Variants in GNG7 observed in about 807,000 individuals in gnomAD.
GNG7 encodes the protein guanine nucleotide-binding protein G(I)/G(S)/G(O) subunit gamma-7.
GNG7 carries 1 observed loss-of-function variant against 4.0 expected under a neutral mutation model. The observed-to-expected ratio is 0.25, with a 90% confidence interval of 0.09 to 1.18. The LOEUF (loss-of-function observed/expected upper bound fraction) is 1.18. GNG7 is among the 50% of genes most tolerant of loss of function. GNG7 has a pLI of 0.50. For missense variants in GNG7, 86 were observed against 91.9 expected (o/e 0.94, Z 0.26); for synonymous variants, 34 against 36.9 (o/e 0.92, Z 0.29).
intron 2 of GNG7, among the ~76,000 whole-genome samples, chr19:2,606,779 G>A (rs1311220734): frequency 2.6e-5 from 4 of 151,308 alleles, no homozygotes; most frequent in South Asian, 2.1e-4. Context: ...TAACATGCTC[G>A]GATGGTGCAG....
At chr19:2,595,614 A>G (rs1395837800) in intron 2 of GNG7, among the ~76,000 whole-genome samples, 1 of 151,734 alleles carries the variant, frequency 6.6e-6, no homozygotes, top group Non-Finnish European at 1.5e-5. Flanking sequence ...GGGTGCCTGT[A>G]ATCCCAGCTA....
intron 1 of GNG7, among the ~76,000 whole-genome samples, chr19:2,694,287 GAA>G (rs576542716): frequency 2.7e-5 from 4 of 148,426 alleles, no homozygotes; most frequent in Admixed American, 2.7e-4. Context: ...GTTTTTAGGG[GAA>G]AAAAAAAAGT....
At chr19:2,690,616 C>T (rs762711447) in intron 1 of GNG7, among the ~76,000 whole-genome samples, 1 of 151,276 alleles carries the variant, frequency 6.6e-6, no homozygotes, top group Non-Finnish European at 1.5e-5. Context: ...CTTCTTGAGA[C>T]AGGGTCTTGC....
At chr19:2,621,365 G>A (rs1981864185) in intron 2 of GNG7, among the ~76,000 whole-genome samples, 1 of 151,988 alleles carries the variant, frequency 6.6e-6, no homozygotes, top group African/African-American at 2.4e-5. Flanking sequence ...ACTCCAGCCT[G>A]TGCAACACAG....
chr19:2,549,997 A>G (rs1216619681), intron 3 of GNG7, among the ~76,000 whole-genome samples: 3 of 152,214 alleles, frequency 2.0e-5, no homozygotes, highest in Non-Finnish European at 2.9e-5. Flanking sequence ...ATGCAGAAAC[A>G]CGGCCAAATC....
intron 2 of GNG7, among the ~76,000 whole-genome samples, chr19:2,596,674 CAAA>C (rs1034018050): frequency 6.7e-6 from 1 of 148,674 alleles, no homozygotes; most frequent in African/African-American, 2.5e-5. Context: ...GTCCCCCCCC[CAAA>C]AAAAAAAGTG....
intron 2 of GNG7, chr19:2,632,262 C>G (rs1308845591): frequency 6.6e-6 from 1 of 152,056 alleles, no homozygotes; most frequent in Non-Finnish European, 1.5e-5. Flanking sequence ...AAACCCGTCT[C>G]TACTAAAAAT....
intron 2 of GNG7, chr19:2,643,809 A>T (rs1445609305): frequency 2.7e-6 from 1 of 367,820 alleles, no homozygotes; most frequent in African/African-American, 2.1e-5. Context: ...TGCAACCATC[A>T]GCATAATCTC....
chr19:2,561,714 TA>T (rs370642587), intron 2 of GNG7, among the ~76,000 whole-genome samples: 6,595 of 136,704 alleles, frequency 0.048, 219 homozygotes, highest in East Asian at 0.11. Context: ...CCGTCTCTAC[TA>T]AAAAAAAAAA....
At position 2,634,755 on chromosome 19, in the gene GNG7, T is replaced by A. The variant is rs778058099; in HGVS notation, c.-78+11469A>T. ...CGTGAATTTCAACACGACCAGGACATGCTGAAATCTGGTGACCGACCAGGG... is the reference window on the plus strand; with the variant it reads ...CGTGAATTTCAACACGACCAGGACAAGCTGAAATCTGGTGACCGACCAGGG... On this transcript the variant is annotated intron_variant, in intron 2 of 4. Transcript: ENST00000382159. This position sits in a 1 kb window ranked among gnomAD's most constrained non-coding sequence, Gnocchi z 5.3. Among the ~76,000 whole-genome samples, 1 of 152,070 alleles carries A rather than the reference T, an allele frequency of 6.6e-6. No homozygotes were observed. The highest frequency in any genetic ancestry group is 6.6e-5 in the Admixed American group (1 of 15,264).
At chr19:2,661,191 A>G (rs1463255717) in intron 1 of GNG7, among the ~76,000 whole-genome samples, 1 of 150,122 alleles carries the variant, frequency 6.7e-6, no homozygotes, top group Admixed American at 6.7e-5. Context: ...AGCCTGGGCA[A>G]CAAGAGCAAA....
chr19:2,655,732 G>A (rs544304525), intron 1 of GNG7, among the ~76,000 whole-genome samples: 3 of 151,368 alleles, frequency 2.0e-5, no homozygotes, highest in African/African-American at 2.4e-5. Context: ...CCAGCTACTC[G>A]GGAGCCTGAG....
At chr19:2,543,932 T>A (rs1195242543) in intron 3 of GNG7, among the ~76,000 whole-genome samples, 1 of 152,120 alleles carries the variant, frequency 6.6e-6, no homozygotes, top group Non-Finnish European at 1.5e-5. Context: ...AACCAGTAGC[T>A]TTATAGCTCG....
At chr19:2,548,728 G>T (rs1300149959) in intron 3 of GNG7, among the ~76,000 whole-genome samples, 1 of 152,070 alleles carries the variant, frequency 6.6e-6, no homozygotes, top group Non-Finnish European at 1.5e-5. Context: ...GGCGGAGGTC[G>T]CAGTGAGCCA....
intron 2 of GNG7, among the ~76,000 whole-genome samples, chr19:2,644,209 C>T (rs1202632927): frequency 1.1e-4 from 16 of 151,166 alleles, no homozygotes; most frequent in Admixed American, 8.6e-4. Context: ...TTAGTAGAAA[C>T]GGGGTTTCGC....
intron 1 of GNG7, among the ~76,000 whole-genome samples, chr19:2,692,227 G>A (rs956481678): frequency 3.3e-5 from 5 of 151,796 alleles, no homozygotes; most frequent in Admixed American, 6.5e-5. Flanking sequence ...AGCCACAGCC[G>A]TCTCTGTGCC....
intron 1 of GNG7, among the ~76,000 whole-genome samples, chr19:2,696,342 G>GAAAGAAAGAA (rs1162023444): frequency 1.9e-4 from 24 of 128,658 alleles, no homozygotes; most frequent in African/African-American, 6.9e-4. Context: ...AAGAAAGAAA[G>GAAAGAAAGAA]AAAGAAAAGA....
At position 2,637,593 on chromosome 19, in the gene GNG7, AC is replaced by A. The variant is rs200986715; in HGVS notation, c.-78+8630del. 1.6e-3 allele frequency among the ~76,000 whole-genome samples: 244 copies of A among 152,120 alleles called. 5 individuals carry two copies. In the East Asian group the frequency reaches 0.042, roughly 26 times the overall value. On this transcript the variant is annotated intron_variant, in intron 2 of 4. Transcript: ENST00000382159. ...TCAGGAAAAGCCCGCATCCCACGCC[AC>A]CCTTTGTAACAGAGAACCCCTTCAA...
intron 3 of GNG7, among the ~76,000 whole-genome samples, chr19:2,551,933 C>T (rs1408916091): frequency 6.6e-6 from 1 of 152,164 alleles, no homozygotes; most frequent in Non-Finnish European, 1.5e-5. Flanking sequence ...GATCCACCCA[C>T]CTTGACCTCC....
Sources: allele counts gnomAD v4.1 joint callset (sites outside exome capture counted in the v4.1 genomes callset), GRCh38; gene constraint gnomAD v4.1.1; non-coding constraint Gnocchi (gnomAD v3.1); transcripts MANE v1.5; gene names NCBI Gene and HGNC (gene_info 2026-07-23, HGNC 2026-07-21).